The following PRKAR1A variants were observed in gnomAD, a reference collection of about 807,000 sequenced individuals.
PRKAR1A encodes cAMP-dependent protein kinase type I-alpha regulatory subunit.
PRKAR1A carries 3 observed loss-of-function variants against 52.0 expected under a neutral mutation model. That is an observed-to-expected ratio of 0.06 (90% confidence interval 0.03 to 0.15). The LOEUF (loss-of-function observed/expected upper bound fraction) is 0.15, where lower values mean the gene tolerates loss of function less well. PRKAR1A is among the 10% of genes least tolerant of loss of function. PRKAR1A has a pLI of 1.00. For missense variants in PRKAR1A, 240 were observed against 477.4 expected, an observed-to-expected ratio of 0.50 and a Z score of 4.63; for synonymous variants, 188 against 168.4, an observed-to-expected ratio of 1.12 and a Z score of -0.90.
At chr17:68,518,714 T>G (rs1266714709) in intron 2 of PRKAR1A, among the ~76,000 whole-genome samples, 1 of 152,236 alleles carries the variant, frequency 6.6e-6, no homozygotes, top group Non-Finnish European at 1.5e-5. Context: ...GTCTTGGTGA[T>G]TAACATTTGG....
the PRKAR1A span, among the ~76,000 whole-genome samples, chr17:68,476,039 C>T: frequency 3.9e-5 from 6 of 151,976 alleles, no homozygotes; most frequent in African/African-American, 9.7e-5. Context: ...ATGCCTATGG[C>T]CTGGTCAATT....
At chr17:68,506,683 C>G in the PRKAR1A span, among the ~76,000 whole-genome samples, 7 of 151,994 alleles carry the variant, frequency 4.6e-5, no homozygotes, top group Admixed American at 3.9e-4. Context: ...GGGGTTTCAC[C>G]ATATTGGCCA....
chr17:68,434,571 C>T, the PRKAR1A span: 16 of 1,613,834 alleles, frequency 9.9e-6, no homozygotes, highest in East Asian at 2.2e-5. Context: ...CATCCCTCTC[C>T]GGAACTCATA....
At chr17:68,494,574 G>A in the PRKAR1A span, among the ~76,000 whole-genome samples, 1 of 152,040 alleles carries the variant, frequency 6.6e-6, no homozygotes, top group Non-Finnish European at 1.5e-5. Flanking sequence ...AATAGCAGGA[G>A]TGCTGTGCTG....
the PRKAR1A span, among the ~76,000 whole-genome samples, chr17:68,433,837 C>A: frequency 1.6e-5 from 2 of 123,518 alleles, no homozygotes; most frequent in African/African-American, 6.4e-5. Context: ...GGCTGGAGTA[C>A]GGTGGCTTGA....
chr17:68,425,569 C>T, the PRKAR1A span, among the ~76,000 whole-genome samples: 1 of 151,970 alleles, frequency 6.6e-6, no homozygotes, highest in Non-Finnish European at 1.5e-5. Context: ...TGCGGGTCTG[C>T]CGGCCAGAGC....
chr17:68,434,508 C>T, the PRKAR1A span: 1,282 of 1,601,950 alleles, frequency 8.0e-4, 14 homozygotes, highest in African/African-American at 0.011. Context: ...GCGGTCCCTG[C>T]GGGACTTCTG....
At chr17:68,539,736 A>C in intron 11 of PRKAR1A, 1 of 748,530 alleles carries the variant, frequency 1.3e-6, no homozygotes, top group Non-Finnish European at 2.3e-6. Context: ...AAGAGAAAGA[A>C]GGAAATGGAA....
the PRKAR1A span, among the ~76,000 whole-genome samples, chr17:68,477,445 A>G: frequency 6.6e-6 from 1 of 152,202 alleles, no homozygotes; most frequent in African/African-American, 2.4e-5. Context: ...GAATGTTTCA[A>G]GTGTTGGGTT....
the PRKAR1A span, among the ~76,000 whole-genome samples, chr17:68,462,372 T>G: frequency 1.3e-5 from 2 of 152,172 alleles, no homozygotes; most frequent in Non-Finnish European, 2.9e-5. Flanking sequence ...TCAATCAAGG[T>G]GTTTTTGTTC....
chr17:68,452,789 TC>T, the PRKAR1A span: 4 of 744,816 alleles, frequency 5.4e-6, no homozygotes, highest in Non-Finnish European at 8.5e-6. Context: ...AAATCTTGAC[TC>T]CCTAAGTTTG....
At chr17:68,538,241 G>A (rs1414845957), downstream of PRKAR1A, among the ~76,000 whole-genome samples, 6 of 152,178 alleles carry the variant, frequency 3.9e-5, no homozygotes, top group Admixed American at 2.0e-4. Context: ...TAGGATTTCA[G>A]TTTCTTTTTA....
chr17:68,446,184 C>A, the PRKAR1A span, among the ~76,000 whole-genome samples: 1 of 151,916 alleles, frequency 6.6e-6, no homozygotes, highest in African/African-American at 2.4e-5. Context: ...ACACATTTCT[C>A]AATTTTTTTT....
chr17:68,477,306 T>C, the PRKAR1A span, among the ~76,000 whole-genome samples: 1 of 152,230 alleles, frequency 6.6e-6, no homozygotes, highest in African/African-American at 2.4e-5. Flanking sequence ...GTATCTCTGC[T>C]TTTACATTTT....
intron 11 of PRKAR1A, among the ~76,000 whole-genome samples, chr17:68,539,158 T>C (rs1315979041): frequency 6.6e-6 from 1 of 152,252 alleles, no homozygotes; most frequent in East Asian, 1.9e-4. Flanking sequence ...ATATGCAGTC[T>C]GTCATTGGCT....
intron 6 of PRKAR1A, 31 bp downstream of exon 6, chr17:68,524,989 A>G: frequency 6.4e-7 from 1 of 1,557,094 alleles, no homozygotes; most frequent in Non-Finnish European, 8.9e-7. Context: ...AAATATGTTG[A>G]TCTTAAAAGC....
the PRKAR1A span, chr17:68,421,736 T>TA: frequency 1.9e-6 from 3 of 1,613,970 alleles, no homozygotes; most frequent in Non-Finnish European, 2.5e-6. Context: ...AACCACCTGA[T>TA]AGGGGGGATG....
the PRKAR1A span, among the ~76,000 whole-genome samples, chr17:68,476,590 T>C: frequency 6.6e-6 from 1 of 151,966 alleles, no homozygotes; most frequent in South Asian, 2.1e-4. Context: ...CTCTCTCATT[T>C]TCTCTCCTTT....
chr17:68,527,862 A>G lies in PRKAR1A; in HGVS notation c.731A>G (p.Lys244Arg), dbSNP rs2143350560. ...ILMGSTLRKR[K>R]MYEEFLSKVS... The stretch of plus-strand genomic sequence containing the variant: ...TAGGGAAGCACACTGAGAAAGCGGA[A>G]GATGTATGAGGAATTCCTTAGTAAA... The change falls in exon 8 of 11, where the codon AAG becomes AGG. Residue 244 changes from lysine to arginine, a missense_variant. Lys to Arg is a conservative substitution (Grantham distance 26). Around this residue, in one of 4 missense-constraint regions of PRKAR1A, gnomAD observed 107 missense variants for 290.9 expected, o/e 0.37. Transcript: ENST00000589228. 1.2e-6 allele frequency: 2 copies of G among 1,612,406 alleles called. No homozygotes were observed. Among genetic ancestry groups the G allele is most frequent in the South Asian group, 2.2e-5 (2 of 91,048 alleles).
Sources: gnomAD v4.1 joint callset for allele counts (sites outside exome capture counted in the v4.1 genomes callset) on GRCh38, gnomAD v4.1.1 for gene constraint, gnomAD v4.1.1 regional missense constraint, MANE v1.5 for transcripts, NCBI Gene and HGNC (gene_info 2026-07-23, HGNC 2026-07-21) for gene names.